Variants in COL26A1 observed in about 807,000 individuals in gnomAD.
COL26A1 encodes the protein collagen type XXVI alpha 1 chain, also known as collagen alpha-1(XXVI) chain.
A neutral mutation model predicts 59.3 loss-of-function variants in COL26A1; 41 were observed. The ratio of observed to expected loss-of-function variants is 0.69; its 90% CI spans 0.54 to 0.90. The LOEUF is 0.90. Among genes scored for constraint, COL26A1 ranks in the 40% least tolerant of loss-of-function variants. The pLI is 0.00. For missense variants in COL26A1, 612 were observed against 602.3 expected, an observed-to-expected ratio of 1.02 and a Z score of -0.17; for synonymous variants, 266 against 256.0, an observed-to-expected ratio of 1.04 and a Z score of -0.37.
Position 101,398,510 on chromosome 7 carries a change from C to G in COL26A1, c.159-21467C>G, listed in dbSNP as rs531711656. On this transcript the variant is annotated intron_variant, in intron 1 of 12. Transcript: ENST00000313669. ...GACGGAATCCTGACTTTCCCTCGCCCCAAGTCAGCAGGTCACAGAGAACCC... is the reference window on the plus strand; with the variant it reads ...GACGGAATCCTGACTTTCCCTCGCCGCAAGTCAGCAGGTCACAGAGAACCC... 8.5e-5 allele frequency among the ~76,000 whole-genome samples: 13 copies of G among 152,264 alleles called. No homozygotes were observed. The East Asian group carries it at 9.7e-4, about 11-fold the overall frequency.
At chr7:101,498,138 G>A (rs1794627528) in intron 3 of COL26A1, among the ~76,000 whole-genome samples, 1 of 152,296 alleles carries the variant, frequency 6.6e-6, no homozygotes, top group East Asian at 1.9e-4. Flanking sequence ...TCATCATGCA[G>A]GCTAAAACTG....
At chr7:101,420,877 C>T (rs1301205839) in intron 2 of COL26A1, among the ~76,000 whole-genome samples, 3 of 151,996 alleles carry the variant, frequency 2.0e-5, no homozygotes, top group Non-Finnish European at 4.4e-5. Flanking sequence ...TTCACGGTCT[C>T]CAAAGTTCCA....
intron 1 of COL26A1, among the ~76,000 whole-genome samples, chr7:101,401,530 GAAGGAGGAGGAAGAGGAA>G (rs1791995661): frequency 6.7e-6 from 1 of 149,542 alleles, no homozygotes; most frequent in South Asian, 2.1e-4. Context: ...AGGACAAAGA[GAAGGAGGAGGAAGAGGAA>G]GAGTAGGAGG....
chr7:101,386,257 G>GT (rs71106515), intron 1 of COL26A1, among the ~76,000 whole-genome samples: 2,340 of 117,510 alleles, frequency 0.02, 20 homozygotes, highest in South Asian at 0.034. Context: ...GTCCTAGCTT[G>GT]TTTTTTTTTT....
At chr7:101,363,888 C>T (rs1169909538) in intron 1 of COL26A1, among the ~76,000 whole-genome samples, 2 of 152,106 alleles carry the variant, frequency 1.3e-5, no homozygotes, top group Admixed American at 6.5e-5. Context: ...CCTCGCGTCC[C>T]GGGCACCCCT....
At chr7:101,445,748 A>G (rs1214564081) in intron 2 of COL26A1, among the ~76,000 whole-genome samples, 1 of 129,654 alleles carries the variant, frequency 7.7e-6, no homozygotes, top group Admixed American at 8.0e-5. Flanking sequence ...AAAAAAAAAA[A>G]AAAAAAGAGA....
chr7:101,542,689 G>A (rs111332838), intron 5 of COL26A1, among the ~76,000 whole-genome samples: 5 of 152,292 alleles, frequency 3.3e-5, no homozygotes, highest in East Asian at 1.9e-4. Context: ...TCCCAGGGCC[G>A]GGGAAGGAGA....
chr7:101,470,244 C>T (rs1356900025), intron 3 of COL26A1, among the ~76,000 whole-genome samples: 5 of 151,946 alleles, frequency 3.3e-5, no homozygotes, highest in South Asian at 2.1e-4. Context: ...GGATTACAGG[C>T]GCGCACCGCC....
At chr7:101,446,804 G>A (rs766830862) in intron 2 of COL26A1, among the ~76,000 whole-genome samples, 16 of 151,396 alleles carry the variant, frequency 1.1e-4, no homozygotes, top group African/African-American at 2.7e-4. Context: ...CCCAGATCGC[G>A]CCACTGCACT....
At chr7:101,510,227 A>C (rs1404860469) in intron 3 of COL26A1, among the ~76,000 whole-genome samples, 2 of 151,856 alleles carry the variant, frequency 1.3e-5, no homozygotes, top group Non-Finnish European at 2.9e-5. Context: ...GGATCTCACT[A>C]TGTTGCCAGG....
chr7:101,378,184 A>G (rs1398340759), intron 1 of COL26A1, among the ~76,000 whole-genome samples: 1 of 152,146 alleles, frequency 6.6e-6, no homozygotes, highest in African/African-American at 2.4e-5. Context: ...GTTCGAGACC[A>G]GCCTGGTCAA....
chr7:101,384,230 G>GTTTTTTT (rs35085221), intron 1 of COL26A1, among the ~76,000 whole-genome samples: 1 of 105,682 alleles, frequency 9.5e-6, no homozygotes, highest in African/African-American at 3.9e-5. Flanking sequence ...GTTCAGGCTG[G>GTTTTTTT]TTTTTTTTTT....
At chr7:101,489,791 T>C (rs959160943) in intron 3 of COL26A1, among the ~76,000 whole-genome samples, 3 of 1,812 alleles carry the variant, frequency 1.7e-3, no homozygotes, top group African/African-American at 3.8e-3. Flanking sequence ...TCTTTCTTTC[T>C]TTCTTTCTTT....
intron 1 of COL26A1, among the ~76,000 whole-genome samples, chr7:101,400,537 T>TTTTTA (rs1265557023): frequency 2.6e-5 from 4 of 151,742 alleles, no homozygotes; most frequent in Non-Finnish European, 1.5e-5. Context: ...AATTTTTGTA[T>TTTTTA]TTTTATTTTA....
At position 101,531,165 on chromosome 7, in the gene COL26A1, G is replaced by A. The variant is rs745690951; in HGVS notation, c.386-1917G>A. On this transcript the variant is annotated intron_variant, in intron 3 of 12. Transcript: ENST00000313669. ...TTTTGTATTTTTTAGTAGAGACGGG[G>A]TTTCACCATGTTAGCCAGGATTGTC... Among the ~76,000 whole-genome samples the A allele has an allele frequency of 2.6e-5, 4 of 152,098 alleles. No individual in the cohort carries two copies. In the East Asian group the frequency reaches 7.8e-4, roughly 30 times the overall value.
chr7:101,471,606 G>T (rs369026048), intron 3 of COL26A1, among the ~76,000 whole-genome samples: 1 of 112,304 alleles, frequency 8.9e-6, no homozygotes, highest in African/African-American at 3.4e-5. Flanking sequence ...TTGAGACAGA[G>T]TCTCACTCTG....
intron 3 of COL26A1, among the ~76,000 whole-genome samples, chr7:101,511,810 T>C (rs1283180307): frequency 6.6e-6 from 1 of 151,774 alleles, no homozygotes; most frequent in Non-Finnish European, 1.5e-5. Context: ...CTGGGCAACA[T>C]AGTAAGACTC....
intron 3 of COL26A1, among the ~76,000 whole-genome samples, chr7:101,511,758 G>A (rs1794930265): frequency 6.6e-6 from 1 of 152,214 alleles, no homozygotes; most frequent in African/African-American, 2.4e-5. Context: ...TGCCAGGACT[G>A]TAGGTGGGAG....
chr7:101,506,128 A>G (rs1195927545), intron 3 of COL26A1, among the ~76,000 whole-genome samples: 1 of 152,186 alleles, frequency 6.6e-6, no homozygotes, highest in African/African-American at 2.4e-5. Flanking sequence ...GGGTGAAATC[A>G]CACCCATTCA....
Sources: gnomAD v4.1 joint callset for allele counts (sites outside exome capture counted in the v4.1 genomes callset) on GRCh38, gnomAD v4.1.1 for gene constraint, MANE v1.5 for transcripts, NCBI Gene and HGNC (gene_info 2026-07-23, HGNC 2026-07-21) for gene names.